MAPKAPK5: variants seen among roughly 807,000 people sequenced by gnomAD.
MAPKAPK5 encodes the protein MAPK activated protein kinase 5.
A neutral mutation model predicts 65.1 loss-of-function variants in MAPKAPK5; 30 were observed. The observed-to-expected ratio is 0.46, with a 90% CI of 0.34 to 0.63. The LOEUF (loss-of-function observed/expected upper bound fraction) is 0.63. MAPKAPK5 is among the 20% of genes least tolerant of loss of function. The probability of loss-of-function intolerance (pLI) is 0.01; values close to 1 mark genes in which losing one functional copy is unlikely to be tolerated. For synonymous variants in MAPKAPK5, 179 were observed against 204.6 expected (o/e 0.87, Z 1.07); for missense variants, 433 against 581.4 (o/e 0.74, Z 2.63).
At chr12:111,881,276 G>C (rs906816566) in intron 8 of MAPKAPK5, among the ~76,000 whole-genome samples, 4 of 151,964 alleles carry the variant, frequency 2.6e-5, no homozygotes, top group African/African-American at 4.8e-5. Context: ...GTTTCTCCAT[G>C]TTGGCCAAGC....
At position 111,900,964 on chromosome 12, in the gene MAPKAPK5, G is replaced by C. The variant is rs2071029370; in HGVS notation, c.*7903G>C. 1 of 455,952 alleles carries C rather than the reference G, an allele frequency of 2.2e-6. No homozygotes were observed. The highest frequency in any genetic ancestry group is 2.0e-5 in the African/African-American group (1 of 50,058). The allele number at this position is 455,952 out of a possible 1,614,324, so 28.2% of individuals were successfully genotyped here. A position where few individuals can be genotyped will look rare whatever the true frequency, so the allele number is the denominator to read the frequency against. On this transcript the variant is annotated 3_prime_UTR_variant, in exon 14 of 14. Coordinates refer to ENST00000550735, the MANE Select transcript of MAPKAPK5 (RefSeq NM_003668.4). ...ATGAACAGCAAAGGGGACCAATTTG[G>C]AAACTGTGGCATTTCTACCAGTCCT...
chr12:111,853,467 G>A (rs767327509), intron 1 of MAPKAPK5, among the ~76,000 whole-genome samples: 1 of 151,980 alleles, frequency 6.6e-6, no homozygotes, highest in African/African-American at 2.4e-5. Context: ...TGTTGATTTT[G>A]TATTTTGTAT....
At chr12:111,850,460 T>G (rs1299331441) in intron 1 of MAPKAPK5, among the ~76,000 whole-genome samples, 1 of 152,188 alleles carries the variant, frequency 6.6e-6, no homozygotes, top group Non-Finnish European at 1.5e-5. Context: ...GTAAAGGATC[T>G]AAAGTTGGAG....
chr12:111,892,495 A>G (rs555456639), intron 13 of MAPKAPK5, among the ~76,000 whole-genome samples: 4 of 152,160 alleles, frequency 2.6e-5, no homozygotes, highest in Non-Finnish European at 5.9e-5. Context: ...TGTAGGTGGT[A>G]TTGCAATGTG....
At chr12:111,885,770 A>G in intron 9 of MAPKAPK5, 146 bp from the exon 10 acceptor site, 1 of 938,828 alleles carries the variant, frequency 1.1e-6, no homozygotes, top group South Asian at 1.8e-5. Flanking sequence ...GTTGGAGACT[A>G]GAATCCCATC....
chr12:111,871,061 G>A, intron 6 of MAPKAPK5, 24 bp from the exon 7 acceptor site: 1 of 1,581,994 alleles, frequency 6.3e-7, no homozygotes. Context: ...CTGGAGCAGT[G>A]ACTCCTTTTT....
At chr12:111,844,590 C>T (rs572009258) in intron 1 of MAPKAPK5, among the ~76,000 whole-genome samples, 1 of 152,232 alleles carries the variant, frequency 6.6e-6, no homozygotes, top group African/African-American at 2.4e-5. Flanking sequence ...TAAACATTGT[C>T]TCCTGTGTGC....
rs1371492489 is a variant in MAPKAPK5, at chr12:111,865,302, C to T, written c.89C>T (p.Ala30Val). Residue 30 changes from alanine to valine, a missense_variant, in exon 2 of 14, where the codon GCT (alanine) becomes GTT (valine). Around this residue, in one of 3 missense-constraint regions of MAPKAPK5, gnomAD observed 165 missense variants for 180.0 expected, o/e 0.92. Coordinates refer to ENST00000550735, the MANE Select transcript of MAPKAPK5 (RefSeq NM_003668.4). ...YSINWTQKLG[A>V]GISGPVRVCV... ...ATCAATTGGACTCAGAAGCTGGGAGCTGGAATTAGTGGTCCAGTTAGGTAA... is the reference window on the plus strand; with the variant it reads ...ATCAATTGGACTCAGAAGCTGGGAGTTGGAATTAGTGGTCCAGTTAGGTAA... 1 of 1,593,236 alleles carries T rather than the reference C, an allele frequency of 6.3e-7. No homozygotes were observed. The highest frequency in any genetic ancestry group is 1.1e-5 in the South Asian group (1 of 87,502).
At chr12:111,859,652 C>CTTTTCTTTTT (rs1555269112) in intron 1 of MAPKAPK5, among the ~76,000 whole-genome samples, 1 of 106,130 alleles carries the variant, frequency 9.4e-6, no homozygotes, top group Non-Finnish European at 2.0e-5. Flanking sequence ...CTTTGCTTTT[C>CTTTTCTTTTT]TTTTTTTTTT....
In MAPKAPK5 at chr12:111,883,811, C is replaced by T. The variant is rs1016463457; in HGVS notation, c.848+43C>T. The T allele has an allele frequency of 4.4e-6, 7 of 1,591,306 alleles. No individual in the cohort carries two copies. The highest frequency in any genetic ancestry group is 5.1e-6 in the Non-Finnish European group (6 of 1,169,236). ...TGGGCATGGAGGCCAAGGAGGCCTCCAGGTGGTGGAGCACAAGGGAATGTG... is the reference window on the plus strand; with the variant it reads ...TGGGCATGGAGGCCAAGGAGGCCTCTAGGTGGTGGAGCACAAGGGAATGTG... On this transcript the variant is annotated intron_variant, in intron 9 of 13. Coordinates refer to ENST00000550735, the MANE Select transcript of MAPKAPK5 (RefSeq NM_003668.4). The surrounding 1 kb of genome is among the most constrained non-coding windows in gnomAD (Gnocchi z 4.8).
At chr12:111,857,365 C>T (rs749037270) in intron 1 of MAPKAPK5, among the ~76,000 whole-genome samples, 37 of 152,012 alleles carry the variant, frequency 2.4e-4, no homozygotes, top group African/African-American at 7.7e-4. Flanking sequence ...CCTCACCCTC[C>T]GTAGTAGCTG....
chr12:111,870,941 C>T, intron 6 of MAPKAPK5, 144 bp from the exon 7 acceptor site: 2 of 625,732 alleles, frequency 3.2e-6, no homozygotes, highest in Admixed American at 2.8e-5. Context: ...GTCTCCAGAC[C>T]TGGGGACATG....
At chr12:111,848,507 G>A (rs550762470) in intron 1 of MAPKAPK5, among the ~76,000 whole-genome samples, 8 of 149,598 alleles carry the variant, frequency 5.3e-5, no homozygotes, top group East Asian at 2.0e-4. Context: ...ACCGTCTCCC[G>A]GGTTCAAGTG....
At chr12:111,860,104 C>T (rs532148917) in intron 1 of MAPKAPK5, among the ~76,000 whole-genome samples, 1 of 152,292 alleles carries the variant, frequency 6.6e-6, no homozygotes, top group South Asian at 2.1e-4. Flanking sequence ...TTTTTCTTCC[C>T]AGCCTGGCTT....
intron 1 of MAPKAPK5, chr12:111,843,393 A>G (rs1755613158): frequency 5.0e-6 from 2 of 397,898 alleles, no homozygotes; most frequent in Non-Finnish European, 8.8e-6. Context: ...GTGTGTTCGA[A>G]AATTACACAA....
Position 111,842,403 on chromosome 12 carries a change from C to T in MAPKAPK5, c.-331C>T, listed in dbSNP as rs368690085. On this transcript the variant is annotated 5_prime_UTR_variant, in exon 1 of 14. Coordinates refer to ENST00000550735, the MANE Select transcript of MAPKAPK5 (RefSeq NM_003668.4). ...GCCCCGCGAGGCCCTTGCACGGCGC[C>T]CCGGGTCGAGGCCCTCCCCGCCTCG... 3.8e-4 allele frequency: 81 copies of T among 212,198 alleles called. 1 individual carries two copies. In the East Asian group the frequency reaches 5.7e-3, roughly 15 times the overall value. 13.1% of individuals were successfully genotyped at this position (212,198 alleles called of 1,614,324 possible). A position where few individuals can be genotyped will look rare whatever the true frequency, so the allele number is the denominator to read the frequency against.
rs1425676546 is a variant in MAPKAPK5 at position 111,897,263 on chromosome 12, A to G, written c.*4202A>G. Reference sequence around the variant, plus strand: ...GAGCAAACCACTGTGCCTGGCAGGAATTACTCTTTAAAAAGAGTTTATGTT... The same window carrying G: ...GAGCAAACCACTGTGCCTGGCAGGAGTTACTCTTTAAAAAGAGTTTATGTT... On this transcript the variant is annotated 3_prime_UTR_variant, in exon 14 of 14. Transcript: ENST00000550735. The G allele has an allele frequency of 6.6e-6, 1 of 152,208 alleles. No individual in the cohort carries two copies. The highest frequency in any genetic ancestry group is 1.5e-5 in the Non-Finnish European group (1 of 68,042). The allele number at this position is 152,208 out of a possible 1,614,324, so 9.4% of individuals were successfully genotyped here.
Position 111,842,436 on chromosome 12 carries a change from C to T in MAPKAPK5, c.-298C>T, listed in dbSNP as rs1302135429. 3 of 263,238 alleles carry T rather than the reference C, an allele frequency of 1.1e-5. No homozygotes were observed. The highest frequency in any genetic ancestry group is 6.9e-5 in the East Asian group (1 of 14,428). 16.3% of individuals were successfully genotyped at this position (263,238 alleles called of 1,614,324 possible). On this transcript the variant is annotated 5_prime_UTR_variant, in exon 1 of 14. Coordinates refer to ENST00000550735, the MANE Select transcript of MAPKAPK5 (RefSeq NM_003668.4). The stretch of plus-strand genomic sequence containing the variant: ...GAGGCCCTCCCCGCCTCGCCCTACC[C>T]CAGGAGCCTGCCTCCCCAGCTGGGG...
chr12:111,872,669 T>C (rs2069820855), intron 7 of MAPKAPK5, among the ~76,000 whole-genome samples: 1 of 152,226 alleles, frequency 6.6e-6, no homozygotes, highest in Non-Finnish European at 1.5e-5. Context: ...CTGTGTTCCT[T>C]CTGGAGGCAT....
Sources: allele counts gnomAD v4.1 joint callset (sites outside exome capture counted in the v4.1 genomes callset), GRCh38; gene constraint gnomAD v4.1.1; regional missense constraint gnomAD v4.1.1; non-coding constraint Gnocchi (gnomAD v3.1); transcripts MANE v1.5; gene names NCBI Gene and HGNC (gene_info 2026-07-23, HGNC 2026-07-21).